NOSIP: variants seen among roughly 807,000 people sequenced by gnomAD.
NOSIP encodes nitric oxide synthase-interacting protein.
In NOSIP, 25 loss-of-function variants were observed where a neutral mutation model predicts 36.4. The ratio of observed to expected loss-of-function variants is 0.69; its 90% CI spans 0.50 to 0.96. NOSIP has a LOEUF of 0.96. Among genes scored for constraint, NOSIP ranks in the 40% least tolerant of loss-of-function variants. The pLI, the probability that NOSIP is intolerant of heterozygous loss-of-function variation, is 0.00. For missense variants in NOSIP, 370 were observed against 429.0 expected, an observed-to-expected ratio of 0.86 and a Z score of 1.21; for synonymous variants, 187 against 179.2, an observed-to-expected ratio of 1.04 and a Z score of -0.35.
At chr19:49,569,445 G>A (rs1297074731) in intron 1 of NOSIP, among the ~76,000 whole-genome samples, 11 of 146,574 alleles carry the variant, frequency 7.5e-5, no homozygotes, top group African/African-American at 1.2e-4. Flanking sequence ...TGATCTGCCC[G>A]CCTCGGCCTT....
At chr19:49,576,582 C>G (rs1264450542) in intron 1 of NOSIP, among the ~76,000 whole-genome samples, 1 of 149,952 alleles carries the variant, frequency 6.7e-6, no homozygotes, top group Non-Finnish European at 1.5e-5. Context: ...GAGACCTTGT[C>G]TCTGGGGAAA....
chr19:49,558,015 G>A, intron 4 of NOSIP: 3 of 792,320 alleles, frequency 3.8e-6, no homozygotes, highest in Non-Finnish European at 4.6e-6. Context: ...ACCAGGCAGG[G>A]GAAGAGGGGG....
rs762021851 is a variant in NOSIP at position 49,559,620 on chromosome 19, C to T, written c.176+314G>A. The T allele has an allele frequency of 1.9e-5, 7 of 368,742 alleles. No homozygotes were observed. The East Asian group carries it at 4.5e-4, about 24-fold the overall frequency. 22.8% of individuals were successfully genotyped at this position (368,742 alleles called of 1,614,324 possible). A position where few individuals can be genotyped will look rare whatever the true frequency, so the allele number is the denominator to read the frequency against. ...ACGTATTTAGTGCCTGGACTCAGCA[C>T]CTGTTAAGCCTTTGCCCTACCATCA... On this transcript the variant is annotated intron_variant, in intron 3 of 8. Transcript: ENST00000596358.
chr19:49,559,240 C>T (rs553629696), intron 3 of NOSIP: 59 of 444,256 alleles, frequency 1.3e-4, no homozygotes, highest in Non-Finnish European at 1.9e-4. Context: ...CTGTCCTCTC[C>T]CAATAGAGCT....
In NOSIP at chr19:49,555,705, A is replaced by G. The variant is rs894918140; in HGVS notation, c.*46T>C. The G allele has an allele frequency of 1.3e-6, 2 of 1,552,256 alleles. No homozygotes were observed. The highest frequency in any genetic ancestry group is 2.7e-5 in the African/African-American group (2 of 73,588). ...CGCCCACGCCGCGAATGAAGGCGCCACGTCGTTGCGCACCCAAGCCGGTTT... is the reference window on the plus strand; with the variant it reads ...CGCCCACGCCGCGAATGAAGGCGCCGCGTCGTTGCGCACCCAAGCCGGTTT... On this transcript the variant is annotated 3_prime_UTR_variant, in exon 9 of 9. Transcript: ENST00000596358.
At chr19:49,572,101 CTT>C (rs368973496) in intron 1 of NOSIP, among the ~76,000 whole-genome samples, 30 of 139,460 alleles carry the variant, frequency 2.2e-4, no homozygotes, top group African/African-American at 7.1e-4. Context: ...GCTAAATTTT[CTT>C]TTTTTTTTCT....
At chr19:49,558,029 G>T in intron 4 of NOSIP, 1 of 664,642 alleles carries the variant, frequency 1.5e-6, no homozygotes, top group Non-Finnish European at 1.9e-6. Flanking sequence ...GAGGGGGACA[G>T]ACCCACTGTG....
At chr19:49,556,275 G>C in intron 8 of NOSIP, 42 bp downstream of exon 8, 1 of 1,229,246 alleles carries the variant, frequency 8.1e-7, no homozygotes, top group South Asian at 1.3e-5. Context: ...GGAGGGGCGG[G>C]GCCTTGGAGT....
At chr19:49,579,590 C>T (rs2080598540) in intron 1 of NOSIP, among the ~76,000 whole-genome samples, 1 of 152,044 alleles carries the variant, frequency 6.6e-6, no homozygotes. Context: ...TTTTCTCAGC[C>T]CTTTGTCTCT....
chr19:49,564,663 T>G (rs142124376), intron 1 of NOSIP, among the ~76,000 whole-genome samples: 10 of 152,134 alleles, frequency 6.6e-5, no homozygotes, highest in Non-Finnish European at 1.5e-4. Context: ...GCCAGTCCTA[T>G]GAGCCAGCAA....
rs2080257706 is a variant in NOSIP at position 49,556,891 on chromosome 19, G to A, written c.521C>T (p.Thr174Ile). 1 of 1,613,264 alleles carries A rather than the reference G, an allele frequency of 6.2e-7. No individual in the cohort carries two copies. Among genetic ancestry groups the A allele is most frequent in the Non-Finnish European group, 8.5e-7 (1 of 1,179,576 alleles). Residue 174 changes from threonine (T) to isoleucine (I), a missense_variant, in exon 6 of 9, where the codon ACC (threonine) becomes ATC (isoleucine). Around this residue, in one of 3 missense-constraint regions of NOSIP, gnomAD observed 315 missense variants for 331.9 expected, o/e 0.95. Transcript: ENST00000596358. ...IPSLTPEAKA[T>I]KLEKPSRTVT... ...GGGGCTCACCGGCTTCTCCAGCTTG[G>A]TGGCCTTGGCTTCGGGCGTCAGCGA...
At position 49,555,594 on chromosome 19, in the gene NOSIP, G is replaced by T; in HGVS notation, c.*157C>A. 1.6e-6 allele frequency: 1 copy of T among 623,208 alleles called. No individual in the cohort carries two copies. The highest frequency in any genetic ancestry group is 2.9e-6 in the Non-Finnish European group (1 of 345,284). The allele number at this position is 623,208 out of a possible 1,614,324, so 38.6% of individuals were successfully genotyped here. A position where few individuals can be genotyped will look rare whatever the true frequency, so the allele number is the denominator to read the frequency against. On this transcript the variant is annotated 3_prime_UTR_variant, in exon 9 of 9. Transcript: ENST00000596358. ...CTTAATGTGAGACCACATTCAATAT[G>T]CTTAGCCCGCTCTTTCAAACTCCAG...
chr19:49,565,628 C>G (rs779224510), intron 1 of NOSIP, among the ~76,000 whole-genome samples: 15 of 151,884 alleles, frequency 9.9e-5, no homozygotes, highest in Non-Finnish European at 1.9e-4. Flanking sequence ...TGTGGTGGCA[C>G]ACGCCTGTAA....
chr19:49,574,213 C>T (rs1020525865), intron 1 of NOSIP, among the ~76,000 whole-genome samples: 1 of 152,092 alleles, frequency 6.6e-6, no homozygotes, highest in Non-Finnish European at 1.5e-5. Flanking sequence ...TGGCCTCTTC[C>T]TCAGTCTATT....
intron 1 of NOSIP, among the ~76,000 whole-genome samples, chr19:49,570,486 T>G (rs2080470036): frequency 6.6e-6 from 1 of 152,146 alleles, no homozygotes; most frequent in African/African-American, 2.4e-5. Context: ...TACACCCTTG[T>G]GACCACGACC....
chr19:49,557,412 G>T, intron 4 of NOSIP, 163 bp from the exon 5 acceptor site: 1 of 1,431,346 alleles, frequency 7.0e-7, no homozygotes, highest in Non-Finnish European at 9.1e-7. Flanking sequence ...GAACCTTACT[G>T]CGTTGTATAG....
intron 1 of NOSIP, among the ~76,000 whole-genome samples, chr19:49,572,991 A>G (rs1321550556): frequency 6.6e-6 from 1 of 151,678 alleles, no homozygotes; most frequent in African/African-American, 2.4e-5. Context: ...AAAAAAAAAA[A>G]AAGCCCGGCT....
chr19:49,556,885 A>T lies in NOSIP; in HGVS notation c.527T>A (p.Leu176Gln). The part of the protein sequence containing the change: ...SLTPEAKATK[L>Q]EKPSRTVTCP... Reference sequence around the variant, plus strand: ...GCTGTGGGGGCTCACCGGCTTCTCCAGCTTGGTGGCCTTGGCTTCGGGCGT... The same window carrying T: ...GCTGTGGGGGCTCACCGGCTTCTCCTGCTTGGTGGCCTTGGCTTCGGGCGT... The change falls in exon 6 of 9, where the codon CTG (leucine) becomes CAG (glutamine). Residue 176 changes from leucine to glutamine, a missense_variant. Physicochemically the swap from Leu to Gln is moderately radical, Grantham distance 113 (BLOSUM62 -2). Coordinates refer to ENST00000596358, the MANE Select transcript of NOSIP (RefSeq NM_001270960.2). 1 of 1,612,860 alleles carries T rather than the reference A, an allele frequency of 6.2e-7. No individual in the cohort carries two copies. The highest frequency in any genetic ancestry group is 2.2e-5 in the East Asian group (1 of 44,832).
intron 1 of NOSIP, among the ~76,000 whole-genome samples, chr19:49,565,683 G>A (rs904696629): frequency 1.3e-5 from 2 of 152,016 alleles, no homozygotes; most frequent in South Asian, 2.1e-4. Flanking sequence ...GCTTGAGCCT[G>A]GGAGGTGAAG....
Sources: gnomAD v4.1 joint callset for allele counts (sites outside exome capture counted in the v4.1 genomes callset) on GRCh38, gnomAD v4.1.1 for gene constraint, gnomAD v4.1.1 regional missense constraint, MANE v1.5 for transcripts, NCBI Gene and HGNC (gene_info 2026-07-23, HGNC 2026-07-21) for gene names.